SIPA1L3: variants seen among roughly 807,000 people sequenced by gnomAD.
The protein encoded by SIPA1L3 is signal-induced proliferation-associated 1-like protein 3.
SIPA1L3 carries 59 observed loss-of-function variants against 150.1 expected under a neutral mutation model. That is an observed-to-expected ratio of 0.39 (90% CI 0.32 to 0.49). The LOEUF (loss-of-function observed/expected upper bound fraction) is 0.49, where lower values mean the gene tolerates loss of function less well. SIPA1L3 is among the 20% of genes least tolerant of loss of function. The pLI, the probability that SIPA1L3 is intolerant of heterozygous loss-of-function variation, is 0.86. For missense variants in SIPA1L3, 2,211 were observed against 2,489.5 expected (o/e 0.89, Z 2.38); for synonymous variants, 1,070 against 1,077.6 (o/e 0.99, Z 0.14).
At chr19:38,167,137 G>A (rs532375898) in intron 15 of SIPA1L3, among the ~76,000 whole-genome samples, 1 of 151,022 alleles carries the variant, frequency 6.6e-6, no homozygotes, top group South Asian at 2.1e-4. Flanking sequence ...GGAGGCTGAG[G>A]CAGGAGAATC....
chr19:38,127,947 G>T (rs1298965490), intron 9 of SIPA1L3, among the ~76,000 whole-genome samples: 2 of 151,748 alleles, frequency 1.3e-5, no homozygotes, highest in Non-Finnish European at 2.9e-5. Flanking sequence ...CAAGATAAAG[G>T]TACCCGCAGG....
intron 1 of SIPA1L3, among the ~76,000 whole-genome samples, chr19:37,959,814 TTTC>T (rs1219904934): frequency 2.3e-5 from 3 of 131,354 alleles, no homozygotes; most frequent in East Asian, 5.9e-4. Context: ...TTTAAAAAAC[TTTC>T]TTTTTTTTTT....
chr19:38,078,150 G>A (rs1349904827), intron 2 of SIPA1L3, among the ~76,000 whole-genome samples: 1 of 151,992 alleles, frequency 6.6e-6, no homozygotes, highest in Admixed American at 6.6e-5. Flanking sequence ...TAGGCAACTC[G>A]ACCCTGAGGG....
intron 1 of SIPA1L3, among the ~76,000 whole-genome samples, chr19:37,922,437 A>G (rs1440159767): frequency 2.0e-5 from 3 of 150,012 alleles, no homozygotes; most frequent in Non-Finnish European, 4.4e-5. Context: ...TCTGTCGCCC[A>G]GGCTAGAGTG....
chr19:38,017,434 C>T (rs1968262621), intron 1 of SIPA1L3, among the ~76,000 whole-genome samples: 1 of 152,184 alleles, frequency 6.6e-6, no homozygotes, highest in Non-Finnish European at 1.5e-5. Context: ...CTGTTTGTTC[C>T]TGAGCCTAAA....
intron 2 of SIPA1L3, among the ~76,000 whole-genome samples, chr19:38,061,064 G>C (rs1265236454): frequency 6.6e-6 from 1 of 152,144 alleles, no homozygotes; most frequent in Non-Finnish European, 1.5e-5. Context: ...TTCTAGGTTT[G>C]TTCTCTGATT....
intron 1 of SIPA1L3, among the ~76,000 whole-genome samples, chr19:37,912,834 A>G (rs2046387427): frequency 6.6e-6 from 1 of 152,270 alleles, no homozygotes. Context: ...AATAAGAAAA[A>G]GTTATATTGC....
At chr19:37,915,020 AG>A (rs2046404512) in intron 1 of SIPA1L3, among the ~76,000 whole-genome samples, 1 of 152,118 alleles carries the variant, frequency 6.6e-6, no homozygotes, top group Non-Finnish European at 1.5e-5. Context: ...CCTCCTTACC[AG>A]GCAGAGGCAA....
chr19:38,198,348 T>C, intron 18 of SIPA1L3, 41 bp from the exon 19 acceptor site: 1 of 1,471,108 alleles, frequency 6.8e-7, no homozygotes, highest in Non-Finnish European at 9.0e-7. Context: ...TCTCCCGCAT[T>C]GTCACACTCA....
At chr19:37,987,558 G>T (rs918568072) in intron 1 of SIPA1L3, among the ~76,000 whole-genome samples, 1 of 152,192 alleles carries the variant, frequency 6.6e-6, no homozygotes, top group Non-Finnish European at 1.5e-5. Flanking sequence ...GCACCCCCCA[G>T]CGGGGATCAT....
chr19:37,937,747 A>C (rs2046613829), intron 1 of SIPA1L3, among the ~76,000 whole-genome samples: 1 of 125,384 alleles, frequency 8.0e-6, no homozygotes, highest in Non-Finnish European at 1.7e-5. Context: ...GTCTCAAAAA[A>C]AAAAAAAAAA....
chr19:37,979,886 T>C (rs1238550944), intron 1 of SIPA1L3, among the ~76,000 whole-genome samples: 5 of 152,252 alleles, frequency 3.3e-5, no homozygotes, highest in Non-Finnish European at 5.9e-5. Context: ...CAGGTTCGGC[T>C]GGCGGTGGGT....
chr19:38,050,177 T>G lies in SIPA1L3; in HGVS notation c.-311+21021T>G, dbSNP rs527680978. Among the ~76,000 whole-genome samples, 5 of 152,350 alleles carry G rather than the reference T, an allele frequency of 3.3e-5. No homozygotes were observed. The East Asian group carries it at 9.6e-4, about 29-fold the overall frequency. On this transcript the variant is annotated intron_variant, in intron 2 of 21. Transcript: ENST00000222345. Reference sequence around the variant, plus strand: ...GTAAAGCATTTAAGACAGTGCTGGCTGGGCATGGTGGCTCACGCCTGTAAT... The same window carrying G: ...GTAAAGCATTTAAGACAGTGCTGGCGGGGCATGGTGGCTCACGCCTGTAAT...
In SIPA1L3 at chr19:38,100,066, C is replaced by G. The variant is rs146340391; in HGVS notation, c.1770C>G (p.Ile590Met). 56 of 1,612,720 alleles carry G rather than the reference C, an allele frequency of 3.5e-5. No individual in the cohort carries two copies. In the African/African-American group the frequency reaches 6.9e-4, roughly 20 times the overall value. ...LPLKDALEYV[I>M]PELNIHCLRL... ...TGAAGGATGCCCTGGAGTATGTCAT[C>G]CCCGAGCTCAACATCCACTGCCTGC... The change falls in exon 5 of 22, where the codon ATC becomes ATG. Residue 590 changes from isoleucine (I) to methionine (M), a missense_variant. Coordinates refer to ENST00000222345, the MANE Select transcript of SIPA1L3 (RefSeq NM_015073.3).
chr19:38,129,135 CGCTTAACAGCAT>C (rs1228615500), intron 9 of SIPA1L3, among the ~76,000 whole-genome samples: 1 of 152,060 alleles, frequency 6.6e-6, no homozygotes, highest in African/African-American at 2.4e-5. Context: ...AAGAGGGGAT[CGCTTAACAGCAT>C]GCTGGGGGGA....
intron 9 of SIPA1L3, among the ~76,000 whole-genome samples, chr19:38,128,393 A>T (rs747253510): frequency 6.6e-6 from 1 of 152,122 alleles, no homozygotes; most frequent in Non-Finnish European, 1.5e-5. Flanking sequence ...CAAATCAGGA[A>T]CCAAACAGAT....
At chr19:38,111,707 C>T (rs975364812) in intron 8 of SIPA1L3, among the ~76,000 whole-genome samples, 1 of 152,236 alleles carries the variant, frequency 6.6e-6, no homozygotes, top group Non-Finnish European at 1.5e-5. Flanking sequence ...AGCCAGCACA[C>T]TGCATGGCAG....
At chr19:38,011,275 G>A (rs1220672087) in intron 1 of SIPA1L3, among the ~76,000 whole-genome samples, 1 of 152,126 alleles carries the variant, frequency 6.6e-6, no homozygotes, top group Non-Finnish European at 1.5e-5. Flanking sequence ...AGGAGTTCAA[G>A]ACTAGCCTGG....
chr19:38,112,096 C>T (rs2145880468), intron 8 of SIPA1L3, among the ~76,000 whole-genome samples: 1 of 115,632 alleles, frequency 8.6e-6, no homozygotes. Flanking sequence ...CATGCACACA[C>T]CTACATGCAC....
Sources: allele counts gnomAD v4.1 joint callset (sites outside exome capture counted in the v4.1 genomes callset), GRCh38; gene constraint gnomAD v4.1.1; transcripts MANE v1.5; gene names NCBI Gene and HGNC (gene_info 2026-07-23, HGNC 2026-07-21).